NLGN1: variants seen among roughly 807,000 people sequenced by gnomAD.
NLGN1 encodes neuroligin-1.
In NLGN1, 12 loss-of-function variants were observed where a neutral mutation model predicts 65.5. The observed-to-expected ratio is 0.18, with a 90% confidence interval of 0.12 to 0.30. The LOEUF (loss-of-function observed/expected upper bound fraction) is 0.30, where lower values mean the gene tolerates loss of function less well. NLGN1 is among the 10% of genes least tolerant of loss of function. The probability of loss-of-function intolerance (pLI) is 1.00; values close to 1 mark genes in which losing one functional copy is unlikely to be tolerated. For synonymous variants in NLGN1, 350 were observed against 359.5 expected (o/e 0.97, Z 0.30); for missense variants, 750 against 1,007.1 (o/e 0.74, Z 3.46).
At chr3:173,684,615 A>G (rs934099409) in intron 3 of NLGN1, among the ~76,000 whole-genome samples, 2 of 152,328 alleles carry the variant, frequency 1.3e-5, no homozygotes. Flanking sequence ...GTCCCACTAC[A>G]TCTCTAAGCT....
At chr3:174,039,410 C>G (rs115105325) in intron 4 of NLGN1, among the ~76,000 whole-genome samples, 7 of 151,958 alleles carry the variant, frequency 4.6e-5, no homozygotes, top group African/African-American at 1.7e-4. Context: ...TGTCCTAATG[C>G]TCTCTCTCCC....
At chr3:173,758,785 A>C (rs1381207919) in intron 3 of NLGN1, among the ~76,000 whole-genome samples, 1 of 152,012 alleles carries the variant, frequency 6.6e-6, no homozygotes, top group African/African-American at 2.4e-5. Flanking sequence ...ACCCAATTAC[A>C]TGAAGCTAAA....
rs765131109 is a variant in NLGN1 at position 174,281,214 on chromosome 3, C to G, written c.2383C>G (p.His795Asp). The G allele has an allele frequency of 5.6e-6, 9 of 1,613,078 alleles. No homozygotes were observed. In the Admixed American group the frequency reaches 1.2e-4, roughly 21 times the overall value. ...CACTATACCAGGGATTCAGCCCTTA[C>G]ACACATTCAATACATTTACTGGAGG... is the stretch of plus-strand genomic sequence containing the variant. The change falls in exon 7 of 7, where the codon CAC (histidine) becomes GAC (aspartate). Residue 795 changes from histidine to aspartate, a missense_variant. Coordinates refer to ENST00000457714, the Ensembl canonical transcript of NLGN1.
intron 4 of NLGN1, among the ~76,000 whole-genome samples, chr3:173,952,051 T>C (rs961261675): frequency 1.2e-4 from 19 of 152,304 alleles, no homozygotes; most frequent in African/African-American, 4.3e-4. Flanking sequence ...TATTTCCCTT[T>C]CTTTTCATAA....
intron 4 of NLGN1, among the ~76,000 whole-genome samples, chr3:174,030,135 T>G (rs1019914834): frequency 1.3e-4 from 19 of 151,028 alleles, no homozygotes; most frequent in Non-Finnish European, 2.8e-4. Flanking sequence ...TTTTTTTTTT[T>G]TTTTTTTGAG....
intron 4 of NLGN1, among the ~76,000 whole-genome samples, chr3:173,820,719 AT>A (rs1720118808): frequency 6.6e-6 from 1 of 152,310 alleles, no homozygotes; most frequent in Non-Finnish European, 1.5e-5. Flanking sequence ...ACTGTAAGAT[AT>A]TTACCTATTT....
At chr3:173,698,872 T>C (rs1262617549) in intron 3 of NLGN1, among the ~76,000 whole-genome samples, 1 of 151,604 alleles carries the variant, frequency 6.6e-6, no homozygotes, top group East Asian at 1.9e-4. Flanking sequence ...GTTTGTTTGT[T>C]TGAGATGGAG....
intron 1 of NLGN1, among the ~76,000 whole-genome samples, chr3:173,431,738 T>C (rs1196352538): frequency 6.6e-6 from 1 of 152,096 alleles, no homozygotes. Context: ...TCATCCAAAA[T>C]CCAAATTTTC....
chr3:173,685,506 T>G (rs1415759328), intron 3 of NLGN1: 1 of 254,256 alleles, frequency 3.9e-6, no homozygotes, highest in Admixed American at 6.5e-5. Flanking sequence ...GGCCTTAAGT[T>G]AATAGTTACC....
At chr3:173,873,382 C>T (rs959808819) in intron 4 of NLGN1, among the ~76,000 whole-genome samples, 1 of 152,174 alleles carries the variant, frequency 6.6e-6, no homozygotes, top group South Asian at 2.1e-4. Flanking sequence ...AGCCACCACA[C>T]CTGGCCTGAT....
intron 2 of NLGN1, among the ~76,000 whole-genome samples, chr3:173,579,587 T>A (rs1299313049): frequency 6.6e-6 from 1 of 152,246 alleles, no homozygotes; most frequent in Admixed American, 6.5e-5. Flanking sequence ...ATATTTAGCA[T>A]CCAGGCAGGT....
At chr3:173,586,673 A>C (rs1747505141) in intron 2 of NLGN1, among the ~76,000 whole-genome samples, 1 of 152,194 alleles carries the variant, frequency 6.6e-6, no homozygotes, top group Non-Finnish European at 1.5e-5. Context: ...AGTTTCTACA[A>C]ACCCAATTGT....
chr3:173,995,714 T>C (rs1722133961), intron 4 of NLGN1, among the ~76,000 whole-genome samples: 1 of 151,082 alleles, frequency 6.6e-6, no homozygotes, highest in Admixed American at 6.6e-5. Context: ...AGAGACAGGA[T>C]CTCACTCTGT....
chr3:174,074,435 A>C (rs1164487404), intron 4 of NLGN1, among the ~76,000 whole-genome samples: 2 of 152,216 alleles, frequency 1.3e-5, no homozygotes, highest in Non-Finnish European at 1.5e-5. Context: ...TTTAATTCCA[A>C]ACTGTTCTTT....
chr3:173,500,447 G>A (rs375653135), intron 2 of NLGN1, among the ~76,000 whole-genome samples: 2 of 152,144 alleles, frequency 1.3e-5, no homozygotes, highest in African/African-American at 2.4e-5. Flanking sequence ...TGCTGGATTC[G>A]GTTTGCCAGT....
At position 174,196,804 on chromosome 3, in the gene NLGN1, G is replaced by A. The variant is rs113924035; in HGVS notation, c.647-78511G>A. 8.4e-3 allele frequency among the ~76,000 whole-genome samples: 1,272 copies of A among 152,280 alleles called. 15 individuals carry two copies. Among genetic ancestry groups the A allele is most frequent in the African/African-American group, 0.027 (1,103 of 41,560 alleles). ...GTATAGAAAAAAATAGCTAACACAA[G>A]TAGAACTTTGCATACGCCAAGATTG... On this transcript the variant is annotated intron_variant, in intron 4 of 6. Transcript: ENST00000457714.
At chr3:174,260,757 C>T (rs1307175389) in intron 4 of NLGN1, among the ~76,000 whole-genome samples, 2 of 150,324 alleles carry the variant, frequency 1.3e-5, no homozygotes, top group Non-Finnish European at 3.0e-5. Context: ...GAAGTCCTTG[C>T]CCATGCTTAT....
intron 3 of NLGN1, among the ~76,000 whole-genome samples, chr3:173,619,097 C>T (rs1560061554): frequency 6.6e-6 from 1 of 152,094 alleles, no homozygotes; most frequent in African/African-American, 2.4e-5. Context: ...ATTATTTAGC[C>T]AATCTTGTTT....
At chr3:174,074,816 A>G (rs913234029) in intron 4 of NLGN1, among the ~76,000 whole-genome samples, 1 of 152,202 alleles carries the variant, frequency 6.6e-6, no homozygotes, top group Non-Finnish European at 1.5e-5. Flanking sequence ...CTTTAAAAAG[A>G]CAAAAGTTAA....
Sources: allele counts gnomAD v4.1 joint callset (sites outside exome capture counted in the v4.1 genomes callset), GRCh38; gene constraint gnomAD v4.1.1; transcripts MANE v1.5; gene names NCBI Gene and HGNC (gene_info 2026-07-23, HGNC 2026-07-21).